Variants in KIAA1217 observed in about 807,000 individuals in gnomAD.
KIAA1217 encodes KIAA1217.
In KIAA1217, 88 loss-of-function variants were observed where a neutral mutation model predicts 163.9. The observed-to-expected ratio is 0.54, with a 90% CI of 0.45 to 0.64. The LOEUF is 0.64. Among genes scored for constraint, KIAA1217 ranks in the 30% least tolerant of loss-of-function variants. The pLI is 0.00. For missense variants in KIAA1217, 2,372 were observed against 2,475.0 expected, an observed-to-expected ratio of 0.96 and a Z score of 0.88; for synonymous variants, 903 against 923.1, an observed-to-expected ratio of 0.98 and a Z score of 0.39.
chr10:23,727,999 A>G (rs568672543), intron 1 of KIAA1217, among the ~76,000 whole-genome samples: 24 of 152,300 alleles, frequency 1.6e-4, no homozygotes, highest in Admixed American at 6.5e-4. Context: ...ATGGCTGCAT[A>G]GTACTCCATG....
intron 5 of KIAA1217, among the ~76,000 whole-genome samples, chr10:24,465,735 C>T (rs2062873872): frequency 6.6e-6 from 1 of 152,316 alleles, no homozygotes; most frequent in African/African-American, 2.4e-5. Flanking sequence ...CAAGTCACTT[C>T]GTGTTGTGGA....
rs961399074 is a variant in KIAA1217 at position 24,270,001 on chromosome 10, G to C, written c.354+50092G>C. 8.5e-5 allele frequency among the ~76,000 whole-genome samples: 13 copies of C among 152,344 alleles called. No homozygotes were observed. The East Asian group carries it at 2.5e-3, about 29-fold the overall frequency. On this transcript the variant is annotated intron_variant, in intron 2 of 20. Transcript: ENST00000376454. The stretch of plus-strand genomic sequence containing the variant: ...CACCCAAATCAACACAGGTATGGAA[G>C]AATCGCCCCCTGCCACAGGAGTGGG...
At chr10:24,466,224 G>T (rs896510745) in intron 5 of KIAA1217, among the ~76,000 whole-genome samples, 1 of 151,942 alleles carries the variant, frequency 6.6e-6, no homozygotes, top group Non-Finnish European at 1.5e-5. Context: ...TGATCTGAAA[G>T]TTGGCTCCTC....
chr10:24,320,280 C>T (rs1229718693), intron 2 of KIAA1217, among the ~76,000 whole-genome samples: 3 of 152,150 alleles, frequency 2.0e-5, no homozygotes, highest in Admixed American at 6.5e-5. Context: ...TAAATTGGTA[C>T]CCATCCACCC....
At position 24,257,340 on chromosome 10, in the gene KIAA1217, G is replaced by T. The variant is rs534964615; in HGVS notation, c.354+37431G>T. ...TCCTGAGAAAGGATGGAACGGCGTG[G>T]GGGGTGGAGGGAGGGTTGGAACCAT... On this transcript the variant is annotated intron_variant, in intron 2 of 20. Coordinates refer to ENST00000376454, the MANE Select transcript of KIAA1217 (RefSeq NM_019590.5). Among the ~76,000 whole-genome samples, 6 of 152,282 alleles carry T rather than the reference G, an allele frequency of 3.9e-5. No homozygotes were observed. In the South Asian group the frequency reaches 1.2e-3, roughly 32 times the overall value.
intron 1 of KIAA1217, among the ~76,000 whole-genome samples, chr10:23,940,408 C>G (rs1167433224): frequency 7.4e-6 from 1 of 135,828 alleles, no homozygotes; most frequent in Non-Finnish European, 1.5e-5. Context: ...TGCAGTGAGC[C>G]GAGATTGCGC....
At chr10:24,524,263 A>G (rs1209174764) in intron 12 of KIAA1217, 60 bp from the exon 13 acceptor site, 2 of 1,536,212 alleles carry the variant, frequency 1.3e-6, no homozygotes, top group African/African-American at 2.7e-5. Context: ...ATAGCCTGCA[A>G]GTATACCACC....
chr10:24,223,206 C>G (rs2069908763), intron 2 of KIAA1217, among the ~76,000 whole-genome samples: 1 of 152,134 alleles, frequency 6.6e-6, no homozygotes, highest in African/African-American at 2.4e-5. Flanking sequence ...TAGGTCTCAG[C>G]CTCATTTTAC....
intron 2 of KIAA1217, among the ~76,000 whole-genome samples, chr10:24,284,919 G>A (rs1480270845): frequency 2.6e-5 from 4 of 152,088 alleles, no homozygotes; most frequent in Non-Finnish European, 5.9e-5. Context: ...TGGCTTTTTA[G>A]TAATAACCAT....
At chr10:24,214,179 A>AG (rs1330895385) in intron 1 of KIAA1217, among the ~76,000 whole-genome samples, 5 of 152,178 alleles carry the variant, frequency 3.3e-5, no homozygotes, top group African/African-American at 1.2e-4. Flanking sequence ...AAGAAAAAAA[A>AG]CAAGGGAGCT....
chr10:24,544,879 G>T, intron 19 of KIAA1217, 102 bp from the exon 20 acceptor site: 1 of 1,296,514 alleles, frequency 7.7e-7, no homozygotes, highest in Non-Finnish European at 1.1e-6. Context: ...TAGGGCTGTG[G>T]CTTCTCACCT....
chr10:24,042,355 G>A (rs552582861), intron 2 of KIAA1217: 1 of 152,020 alleles, frequency 6.6e-6, no homozygotes, highest in South Asian at 2.1e-4. Context: ...TCAGCTAGGC[G>A]GGATGATTTG....
chr10:24,175,052 G>C (rs1470424945), intron 2 of KIAA1217, among the ~76,000 whole-genome samples: 2 of 151,676 alleles, frequency 1.3e-5, no homozygotes, highest in African/African-American at 4.8e-5. Flanking sequence ...AGTAGAGACA[G>C]GGTCTCACTA....
At chr10:23,885,351 A>G (rs966668264) in intron 1 of KIAA1217, among the ~76,000 whole-genome samples, 1 of 151,926 alleles carries the variant, frequency 6.6e-6, no homozygotes, top group South Asian at 2.1e-4. Flanking sequence ...CATGCTGTAC[A>G]TTAGAACTCT....
At chr10:24,192,343 G>C (rs2066761483) in intron 2 of KIAA1217, among the ~76,000 whole-genome samples, 1 of 152,120 alleles carries the variant, frequency 6.6e-6, no homozygotes, top group East Asian at 1.9e-4. Flanking sequence ...CTCACATTAG[G>C]GTCTTGCCAC....
At chr10:24,520,992 G>A (rs2071153680) in intron 11 of KIAA1217, among the ~76,000 whole-genome samples, 2 of 137,286 alleles carry the variant, frequency 1.5e-5, no homozygotes, top group African/African-American at 2.7e-5. Context: ...AGGAGTTCAA[G>A]ACCAGCCTAG....
chr10:24,403,749 A>G (rs1353963610), intron 3 of KIAA1217, among the ~76,000 whole-genome samples: 2 of 152,246 alleles, frequency 1.3e-5, no homozygotes, highest in African/African-American at 4.8e-5. Context: ...GCACATGAAA[A>G]GATGTTCAAC....
chr10:24,276,104 A>T (rs1281490947), intron 2 of KIAA1217, among the ~76,000 whole-genome samples: 4 of 152,180 alleles, frequency 2.6e-5, no homozygotes, highest in Admixed American at 6.5e-5. Flanking sequence ...TTTTGTCGTT[A>T]TTTAGTGAAA....
At chr10:23,857,510 G>C (rs543833788) in intron 1 of KIAA1217, among the ~76,000 whole-genome samples, 2 of 152,280 alleles carry the variant, frequency 1.3e-5, no homozygotes, top group East Asian at 3.9e-4. Context: ...TCATGCCCTT[G>C]TGCCTCAGAG....
Sources: gnomAD v4.1 joint callset for allele counts (sites outside exome capture counted in the v4.1 genomes callset) on GRCh38, gnomAD v4.1.1 for gene constraint, MANE v1.5 for transcripts, NCBI Gene and HGNC (gene_info 2026-07-23, HGNC 2026-07-21) for gene names.